The following SLC1A4 variants were observed in gnomAD, a reference collection of about 807,000 sequenced individuals.
SLC1A4 encodes neutral amino acid transporter A.
A neutral mutation model predicts 37.7 loss-of-function variants in SLC1A4; 19 were observed. The ratio of observed to expected loss-of-function variants is 0.50; its 90% CI spans 0.35 to 0.74. The LOEUF (loss-of-function observed/expected upper bound fraction) is 0.74. Ranked by LOEUF, SLC1A4 falls within the 30% of genes least tolerant of loss-of-function variation. SLC1A4 has a pLI of 0.01. For synonymous variants in SLC1A4, 299 were observed against 309.8 expected (o/e 0.97, Z 0.37); for missense variants, 570 against 712.9 (o/e 0.80, Z 2.28).
At chr2:65,017,359 A>C (rs1179880351) in intron 5 of SLC1A4, among the ~76,000 whole-genome samples, 2 of 152,244 alleles carry the variant, frequency 1.3e-5, no homozygotes, top group East Asian at 3.9e-4. Flanking sequence ...AAAAAAAAAA[A>C]AAACACTGGG....
In SLC1A4 at chr2:64,989,946, C is replaced by A. The variant is rs1325313724; in HGVS notation, c.303C>A (p.Gly101=). ...TGGTGGTCTGCAGCCTGGTGTCGGG[C>A]GCCGCCTCGCTCGATGCCAGCTGCC... ...LPLVVCSLVS[G]AASLDASCLG... The change falls in exon 1 of 8, where the codon GGC becomes GGA. Residue 101 remains glycine (G), a synonymous_variant. Transcript: ENST00000234256. 1 of 1,569,256 alleles carries A rather than the reference C, an allele frequency of 6.4e-7. No individual in the cohort carries two copies. Among genetic ancestry groups the A allele is most frequent in the Non-Finnish European group, 8.6e-7 (1 of 1,158,252 alleles).
At chr2:64,999,343 G>T (rs901946208) in intron 1 of SLC1A4, 1 of 152,204 alleles carries the variant, frequency 6.6e-6, no homozygotes, top group Non-Finnish European at 1.5e-5. Flanking sequence ...CTATGGACAA[G>T]TTTGGGAAAT....
chr2:65,013,664 C>G (rs1674012371), intron 4 of SLC1A4, among the ~76,000 whole-genome samples: 1 of 152,180 alleles, frequency 6.6e-6, no homozygotes, highest in Non-Finnish European at 1.5e-5. Context: ...CTCAGAAATG[C>G]ATATTACACA....
chr2:65,019,798 G>A (rs1674334891), intron 7 of SLC1A4, among the ~76,000 whole-genome samples: 1 of 152,180 alleles, frequency 6.6e-6, no homozygotes, highest in Non-Finnish European at 1.5e-5. Context: ...CCTGTGCGTG[G>A]AGAAGAGGCA....
chr2:64,997,919 T>C (rs926762706), intron 1 of SLC1A4, among the ~76,000 whole-genome samples: 2 of 150,208 alleles, frequency 1.3e-5, no homozygotes, highest in Non-Finnish European at 2.9e-5. Flanking sequence ...CTGGCCAACA[T>C]GGTGAAACCC....
intron 1 of SLC1A4, among the ~76,000 whole-genome samples, chr2:64,992,598 G>A (rs1459677298): frequency 6.6e-6 from 1 of 152,136 alleles, no homozygotes; most frequent in Non-Finnish European, 1.5e-5. Context: ...GAGATTAAGC[G>A]ATTTGCTCAA....
chr2:65,004,223 C>T (rs1428118189), intron 3 of SLC1A4, among the ~76,000 whole-genome samples: 2 of 151,930 alleles, frequency 1.3e-5, no homozygotes, highest in African/African-American at 2.4e-5. Context: ...TCAGAGGATC[C>T]GTAAAACATT....
Position 65,020,930 on chromosome 2 carries a change from G to A in SLC1A4, c.1383G>A (p.Val461=), listed in dbSNP as rs755609422. ...VDWIVDRTTT[V]VNVEGDALGA... is the part of the protein sequence containing the mutation. The stretch of plus-strand genomic sequence containing the variant: ...CCACCAGGGACCGGACCACCACGGT[G>A]GTGAATGTGGAAGGGGATGCCCTGG... The change falls in exon 8 of 8, where the codon GTG becomes GTA. Residue 461 remains valine, a synonymous_variant. Coordinates refer to ENST00000234256, the MANE Select transcript of SLC1A4 (RefSeq NM_003038.5). 2 of 1,614,104 alleles carry A rather than the reference G, an allele frequency of 1.2e-6. No individual in the cohort carries two copies. Among genetic ancestry groups the A allele is most frequent in the South Asian group, 1.1e-5 (1 of 91,078 alleles).
chr2:64,999,872 G>C (rs1218639376), intron 1 of SLC1A4: 1 of 151,992 alleles, frequency 6.6e-6, no homozygotes, highest in Non-Finnish European at 1.5e-5. Context: ...TCGTGGATGT[G>C]ACATCCCATC....
intron 3 of SLC1A4, among the ~76,000 whole-genome samples, chr2:65,007,603 A>T (rs1558521621): frequency 6.6e-6 from 1 of 152,232 alleles, no homozygotes; most frequent in Non-Finnish European, 1.5e-5. Flanking sequence ...AGTTGGTTCG[A>T]AAGCTGGAAC....
In SLC1A4 at chr2:65,010,421, A is replaced by G. The variant is rs572290090; in HGVS notation, c.634-176A>G. ...TGTTGGCTTTCTGTATCCTCAGACTACATCTCCCCTTAAGTTTCCTACCCC... is the reference window on the plus strand; with the variant it reads ...TGTTGGCTTTCTGTATCCTCAGACTGCATCTCCCCTTAAGTTTCCTACCCC... On this transcript the variant is annotated intron_variant, in intron 3 of 7. Coordinates refer to ENST00000234256, the MANE Select transcript of SLC1A4 (RefSeq NM_003038.5). 3.3e-5 allele frequency among the ~76,000 whole-genome samples: 5 copies of G among 152,322 alleles called. No individual in the cohort carries two copies. The South Asian group carries it at 1.0e-3, about 32-fold the overall frequency.
chr2:65,021,120 C>T lies in SLC1A4; in HGVS notation c.1573C>T (p.Leu525=). 6.2e-7 allele frequency: 1 copy of T among 1,614,160 alleles called. No individual in the cohort carries two copies. Among genetic ancestry groups the T allele is most frequent in the Non-Finnish European group, 8.5e-7 (1 of 1,179,970 alleles). The part of the protein sequence containing the change: ...PAGPVASAPE[L]ESKESVL ...TGGCCCCGTGGCCAGTGCCCCAGAA[C>T]TGGAATCCAAGGAGTCGGTTCTGTG... The change falls in exon 8 of 8, where the codon CTG becomes TTG. Residue 525 remains leucine (L), a synonymous_variant. Coordinates refer to ENST00000234256, the MANE Select transcript of SLC1A4 (RefSeq NM_003038.5).
At chr2:64,998,314 G>A (rs560805026) in intron 1 of SLC1A4, among the ~76,000 whole-genome samples, 1 of 151,720 alleles carries the variant, frequency 6.6e-6, no homozygotes, top group East Asian at 1.9e-4. Context: ...CCAACTATTC[G>A]GGAAGCTGAG....
At chr2:64,999,450 A>T (rs1271188082) in intron 1 of SLC1A4, 2 of 152,212 alleles carry the variant, frequency 1.3e-5, no homozygotes, top group Non-Finnish European at 2.9e-5. Flanking sequence ...GTTGGCTGAT[A>T]CATTGCTGCA....
At position 65,008,718 on chromosome 2, in the gene SLC1A4, G is replaced by C. The variant is rs554557486; in HGVS notation, c.634-1879G>C. 7.9e-5 allele frequency among the ~76,000 whole-genome samples: 12 copies of C among 152,306 alleles called. No individual in the cohort carries two copies. The South Asian group carries it at 2.5e-3, about 32-fold the overall frequency. On this transcript the variant is annotated intron_variant, in intron 3 of 7. Coordinates refer to ENST00000234256, the MANE Select transcript of SLC1A4 (RefSeq NM_003038.5). ...AACATTTTAAGAGGAAGACACTCCA[G>C]ACAGAGTGAGCCTAGAATGATCTCC...
chr2:65,006,461 C>T (rs1199414556), intron 3 of SLC1A4, among the ~76,000 whole-genome samples: 1 of 152,060 alleles, frequency 6.6e-6, no homozygotes, highest in Non-Finnish European at 1.5e-5. Flanking sequence ...CACTGCACTC[C>T]AGCCTGGGCA....
At chr2:65,008,182 C>A (rs537873501) in intron 3 of SLC1A4, among the ~76,000 whole-genome samples, 8 of 152,270 alleles carry the variant, frequency 5.3e-5, no homozygotes, top group African/African-American at 1.9e-4. Flanking sequence ...AGTTGACAGC[C>A]CCAAGGTCAT....
chr2:65,018,344 A>G lies in SLC1A4; in HGVS notation c.1229+79A>G. ...CCTTTGAAAAACCAATCTCACCACA[A>G]CTTGGTGTCTCGCTCATAAAATGAG... On this transcript the variant is annotated intron_variant, in intron 6 of 7. Transcript: ENST00000234256. This position sits in a 1 kb window ranked among gnomAD's most constrained non-coding sequence, Gnocchi z 4.3. 6.8e-7 allele frequency: 1 copy of G among 1,471,996 alleles called. No homozygotes were observed. The highest frequency in any genetic ancestry group is 1.2e-5 in the South Asian group (1 of 81,912). The allele number at this position is 1,471,996 out of a possible 1,614,324, so 91.2% of individuals were successfully genotyped here.
intron 1 of SLC1A4, among the ~76,000 whole-genome samples, chr2:64,990,834 GA>G (rs1317711365): frequency 6.6e-6 from 1 of 152,194 alleles, no homozygotes; most frequent in Admixed American, 6.5e-5. Flanking sequence ...TTCTTTGTGC[GA>G]AAGTGTGAGT....
Sources: allele counts gnomAD v4.1 joint callset (sites outside exome capture counted in the v4.1 genomes callset), GRCh38; gene constraint gnomAD v4.1.1; non-coding constraint Gnocchi (gnomAD v3.1); transcripts MANE v1.5; gene names NCBI Gene and HGNC (gene_info 2026-07-23, HGNC 2026-07-21).